Variants in CTNNA3 observed in about 807,000 individuals in gnomAD.
CTNNA3 encodes catenin alpha 3, also known as catenin alpha-3.
A neutral mutation model predicts 95.7 loss-of-function variants in CTNNA3; 76 were observed. The ratio of observed to expected loss-of-function variants is 0.79; its 90% CI spans 0.66 to 0.96. The LOEUF (loss-of-function observed/expected upper bound fraction) is 0.96, where lower values mean the gene tolerates loss of function less well. CTNNA3 is among the 40% of genes least tolerant of loss of function. CTNNA3 has a pLI of 0.00. For synonymous variants in CTNNA3, 431 were observed against 374.4 expected (o/e 1.15, Z -1.74); for missense variants, 1,191 against 1,089.8 (o/e 1.09, Z -1.31).
chr10:66,933,910 G>A (rs1289576426), intron 7 of CTNNA3, among the ~76,000 whole-genome samples: 1 of 152,116 alleles, frequency 6.6e-6, no homozygotes, highest in Non-Finnish European at 1.5e-5. Context: ...CTCTTTGACA[G>A]CTGAGTTCCT....
chr10:67,306,782 T>C (rs975687418), intron 5 of CTNNA3, among the ~76,000 whole-genome samples: 3 of 151,802 alleles, frequency 2.0e-5, no homozygotes, highest in Non-Finnish European at 4.4e-5. Flanking sequence ...GCTGGTGGAT[T>C]TTTTTAAAAA....
intron 5 of CTNNA3, among the ~76,000 whole-genome samples, chr10:67,437,302 G>A (rs768767481): frequency 6.6e-6 from 1 of 152,088 alleles, no homozygotes; most frequent in Non-Finnish European, 1.5e-5. Flanking sequence ...ATGATACAAT[G>A]GACTTTGGGG....
At chr10:66,395,488 T>A (rs1034650069) in intron 11 of CTNNA3, among the ~76,000 whole-genome samples, 1 of 151,582 alleles carries the variant, frequency 6.6e-6, no homozygotes, top group African/African-American at 2.4e-5. Context: ...TAAAACTACA[T>A]GGAATTGGAC....
At chr10:66,430,082 A>G (rs1382965009) in intron 11 of CTNNA3, among the ~76,000 whole-genome samples, 2 of 126,816 alleles carry the variant, frequency 1.6e-5, no homozygotes, top group Non-Finnish European at 3.3e-5. Flanking sequence ...AATGTGCAAA[A>G]ATCACAAGCA....
intron 15 of CTNNA3, among the ~76,000 whole-genome samples, chr10:66,032,268 C>A (rs571896212): frequency 1.2e-4 from 18 of 152,046 alleles, no homozygotes; most frequent in Non-Finnish European, 2.5e-4. Flanking sequence ...ACTAACCTAA[C>A]TAACAAACAT....
Position 66,554,537 on chromosome 10 carries a change from C to T in CTNNA3, c.1375-33764G>A, listed in dbSNP as rs551270134. On this transcript the variant is annotated intron_variant, in intron 10 of 17. Transcript: ENST00000433211. The stretch of plus-strand genomic sequence containing the variant: ...TAGCTGTTACTCTTTCTTTTGCATT[C>T]CAGTCCTTTGTATCTTTGCATTTTT... Among the ~76,000 whole-genome samples the T allele has an allele frequency of 3.6e-3, 551 of 152,266 alleles. 5 individuals are homozygous for T. Among genetic ancestry groups the T allele is most frequent in the African/African-American group, 0.013 (538 of 41,570 alleles).
At chr10:66,581,342 C>G (rs560588028) in intron 10 of CTNNA3, among the ~76,000 whole-genome samples, 1 of 151,408 alleles carries the variant, frequency 6.6e-6, no homozygotes, top group African/African-American at 2.4e-5. Context: ...AGAGGTTGTA[C>G]TAATGTGTAT....
At chr10:66,258,334 C>G (rs529547030) in intron 13 of CTNNA3, among the ~76,000 whole-genome samples, 1 of 152,162 alleles carries the variant, frequency 6.6e-6, no homozygotes, top group African/African-American at 2.4e-5. Context: ...GCCTCTCTAG[C>G]GCTCCTGAAG....
At chr10:65,948,536 G>A (rs1004390539) in intron 17 of CTNNA3, among the ~76,000 whole-genome samples, 1 of 149,176 alleles carries the variant, frequency 6.7e-6, no homozygotes, top group South Asian at 2.1e-4. Context: ...ATTCCCCTAT[G>A]GTTGTCAGTG....
chr10:65,997,499 G>A (rs1421467308), intron 15 of CTNNA3, among the ~76,000 whole-genome samples: 1 of 152,038 alleles, frequency 6.6e-6, no homozygotes, highest in Non-Finnish European at 1.5e-5. Flanking sequence ...CCCACCCTTT[G>A]ATCTGATCTT....
intron 9 of CTNNA3, among the ~76,000 whole-genome samples, chr10:66,657,651 A>G (rs922459604): frequency 6.6e-6 from 1 of 152,210 alleles, no homozygotes; most frequent in Admixed American, 6.5e-5. Flanking sequence ...TCATCTTTGT[A>G]AACTACTGCA....
intron 7 of CTNNA3, among the ~76,000 whole-genome samples, chr10:67,042,934 A>G (rs1854497566): frequency 6.6e-6 from 1 of 152,260 alleles, no homozygotes; most frequent in South Asian, 2.1e-4. Context: ...CGAACGCTAT[A>G]AAAGAGGAGC....
At position 65,931,710 on chromosome 10, in the gene CTNNA3, A is replaced by G. The variant is rs16922176; in HGVS notation, c.2401-11093T>C. Among the ~76,000 whole-genome samples, 637 of 152,346 alleles carry G rather than the reference A, an allele frequency of 4.2e-3. 5 individuals carry two copies. Among genetic ancestry groups the G allele is most frequent in the African/African-American group, 0.015 (611 of 41,582 alleles). On this transcript the variant is annotated intron_variant, in intron 17 of 17. Coordinates refer to ENST00000433211, the MANE Select transcript of CTNNA3 (RefSeq NM_013266.4). ...CCTGAATTTAGTCTCTCTTCAAATCAGAAGTCTCTCTCTTCCTGCCTAGAG... is the reference window on the plus strand; with the variant it reads ...CCTGAATTTAGTCTCTCTTCAAATCGGAAGTCTCTCTCTTCCTGCCTAGAG...
rs528503099 is a variant in CTNNA3, at chr10:66,433,282, C to A, written c.1532-53930G>T. Among the ~76,000 whole-genome samples, 223 of 152,272 alleles carry A rather than the reference C, an allele frequency of 1.5e-3. 2 individuals carry two copies. The highest frequency in any genetic ancestry group is 5.2e-3 in the African/African-American group (215 of 41,562). Reference sequence around the variant, plus strand: ...TCCCACCAACAGTATAAAAGTGTTCCTATTTCTCCACATCCTTTCCACCGT... The same window carrying A: ...TCCCACCAACAGTATAAAAGTGTTCATATTTCTCCACATCCTTTCCACCGT... On this transcript the variant is annotated intron_variant, in intron 11 of 17. Coordinates refer to ENST00000433211, the MANE Select transcript of CTNNA3 (RefSeq NM_013266.4).
intron 1 of CTNNA3, among the ~76,000 whole-genome samples, chr10:67,733,345 T>C (rs544207839): frequency 7.9e-5 from 12 of 152,308 alleles, no homozygotes; most frequent in Non-Finnish European, 1.8e-4. Flanking sequence ...TCATGACAAA[T>C]CTATTTGAAT....
intron 7 of CTNNA3, among the ~76,000 whole-genome samples, chr10:66,875,453 A>C (rs992732754): frequency 2.0e-5 from 3 of 152,224 alleles, no homozygotes; most frequent in Non-Finnish European, 2.9e-5. Context: ...ATATCAGTCA[A>C]CCAGTTCCAA....
rs1401842700 is a variant in CTNNA3 at position 65,915,468 on chromosome 10, A to C, written c.*4862T>G. Reference sequence around the variant, plus strand: ...CCTTCCCTACCTCTGGCACCTTCTTATTTGTTGTGCCTTTAGACTACTCCG... The same window carrying C: ...CCTTCCCTACCTCTGGCACCTTCTTCTTTGTTGTGCCTTTAGACTACTCCG... On this transcript the variant is annotated 3_prime_UTR_variant, in exon 18 of 18. Coordinates refer to ENST00000433211, the MANE Select transcript of CTNNA3 (RefSeq NM_013266.4). The C allele has an allele frequency of 1.3e-5, 2 of 152,008 alleles. No homozygotes were observed. The highest frequency in any genetic ancestry group is 4.8e-5 in the African/African-American group (2 of 41,394). 9.4% of individuals were successfully genotyped at this position (152,008 alleles called of 1,614,324 possible). A position where few individuals can be genotyped will look rare whatever the true frequency, so the allele number is the denominator to read the frequency against.
In CTNNA3 at chr10:67,603,613, AAAT is replaced by A. The variant is rs1334765904; in HGVS notation, c.292+3241_292+3243del. 2.6e-5 allele frequency among the ~76,000 whole-genome samples: 4 copies of A among 152,232 alleles called. No individual in the cohort carries two copies. The East Asian group carries it at 7.7e-4, about 29-fold the overall frequency. ...AAAAAACTTTAAACCGTAAAAAAAA[AAAT>A]AATTAAAAATGTAAAAAAGAAAAAA... On this transcript the variant is annotated intron_variant, in intron 3 of 17. Transcript: ENST00000433211.
chr10:67,442,406 A>G lies in CTNNA3; in HGVS notation c.579+79436T>C, dbSNP rs867159402. Among the ~76,000 whole-genome samples the G allele has an allele frequency of 2.6e-5, 4 of 152,098 alleles. No homozygotes were observed. In the South Asian group the frequency reaches 8.3e-4, roughly 31 times the overall value. On this transcript the variant is annotated intron_variant, in intron 5 of 17. Transcript: ENST00000433211. ...GGACTAAACTCTGCAATCAAATGTC[A>G]CAGAGTGGCTAAACAGATTAAAAAA...
Sources: allele counts gnomAD v4.1 joint callset (sites outside exome capture counted in the v4.1 genomes callset), GRCh38; gene constraint gnomAD v4.1.1; transcripts MANE v1.5; gene names NCBI Gene and HGNC (gene_info 2026-07-23, HGNC 2026-07-21).